TMEM181: variants seen among roughly 807,000 people sequenced by gnomAD.
The protein encoded by TMEM181 is transmembrane protein 181, also known as G protein-coupled receptor 178.
TMEM181 carries 39 observed loss-of-function variants against 71.9 expected under a neutral mutation model. That is an observed-to-expected ratio of 0.54 (90% CI 0.42 to 0.71). The LOEUF is 0.71. Among genes scored for constraint, TMEM181 ranks in the 30% least tolerant of loss-of-function variants. The probability of loss-of-function intolerance (pLI) is 0.00; values close to 1 mark genes in which losing one functional copy is unlikely to be tolerated. For missense variants in TMEM181, 595 were observed against 583.0 expected (o/e 1.02, Z -0.21); for synonymous variants, 245 against 228.8 (o/e 1.07, Z -0.64).
chr6:158,603,479 G>A (rs925939855), intron 6 of TMEM181, among the ~76,000 whole-genome samples: 10 of 152,158 alleles, frequency 6.6e-5, no homozygotes, highest in Non-Finnish European at 1.2e-4. Context: ...TGTATGGCCC[G>A]GTTGCTGACA....
chr6:158,618,112 T>C (rs1785721404), intron 10 of TMEM181, among the ~76,000 whole-genome samples: 1 of 152,206 alleles, frequency 6.6e-6, no homozygotes, highest in Non-Finnish European at 1.5e-5. Context: ...TGTGGAAGTC[T>C]AAGTCTCTTT....
intron 10 of TMEM181, among the ~76,000 whole-genome samples, chr6:158,612,484 A>G (rs1785389579): frequency 6.6e-6 from 1 of 152,210 alleles, no homozygotes; most frequent in African/African-American, 2.4e-5. Flanking sequence ...AATCTTTGAA[A>G]AAGGTTAATT....
intron 1 of TMEM181, among the ~76,000 whole-genome samples, chr6:158,540,516 C>G (rs954685158): frequency 6.6e-6 from 1 of 152,166 alleles, no homozygotes; most frequent in Non-Finnish European, 1.5e-5. Flanking sequence ...CGCGGTGGCT[C>G]GTGCCTGTAA....
chr6:158,553,601 G>C (rs1385102596), intron 1 of TMEM181, among the ~76,000 whole-genome samples: 1 of 152,108 alleles, frequency 6.6e-6, no homozygotes, highest in Non-Finnish European at 1.5e-5. Flanking sequence ...TAATCTTTGT[G>C]CTAAACCCTA....
upstream of TMEM181, among the ~76,000 whole-genome samples, chr6:158,559,504 A>G (rs1475753719): frequency 6.6e-6 from 1 of 152,178 alleles, no homozygotes; most frequent in African/African-American, 2.4e-5. Flanking sequence ...CTTGGTTCTC[A>G]TCCATTCTTG....
chr6:158,605,967 G>A (rs531499670), intron 7 of TMEM181, among the ~76,000 whole-genome samples: 5 of 152,318 alleles, frequency 3.3e-5, no homozygotes, highest in East Asian at 1.9e-4. Context: ...GAAGTGTGGC[G>A]TTCTGCCTGC....
intron 1 of TMEM181, among the ~76,000 whole-genome samples, chr6:158,545,667 T>C (rs958368052): frequency 7.2e-5 from 11 of 152,066 alleles, no homozygotes; most frequent in Non-Finnish European, 1.2e-4. Context: ...TTTTAGTTTT[T>C]TTTTTTTTGG....
intron 16 of TMEM181, 97 bp from the exon 17 acceptor site, chr6:158,631,713 T>C: frequency 7.4e-7 from 1 of 1,348,250 alleles, no homozygotes; most frequent in Admixed American, 2.0e-5. Flanking sequence ...AGAGCGAAGC[T>C]ATGATTTAAT....
chr6:158,585,206 T>G, intron 4 of TMEM181, 98 bp from the exon 5 acceptor site: 1 of 1,379,360 alleles, frequency 7.2e-7, no homozygotes, highest in Admixed American at 2.6e-5. Flanking sequence ...ACCTTAAGCG[T>G]TTTCCTGGCT....
At chr6:158,599,880 G>A (rs1365066246) in intron 6 of TMEM181, among the ~76,000 whole-genome samples, 1 of 152,248 alleles carries the variant, frequency 6.6e-6, no homozygotes, top group Admixed American at 6.5e-5. Flanking sequence ...GGAGGAGCAC[G>A]CAGGTGATTC....
upstream of TMEM181, among the ~76,000 whole-genome samples, chr6:158,556,101 C>CA (rs1781875085): frequency 6.6e-6 from 1 of 152,182 alleles, no homozygotes; most frequent in Non-Finnish European, 1.5e-5. Flanking sequence ...GTCTTTCTAC[C>CA]AACAAGGACT....
exon 1 of TMEM181, chr6:158,536,859 A>G (rs747700988): frequency 7.2e-7 from 1 of 1,397,784 alleles, no homozygotes; most frequent in South Asian, 1.7e-5. Flanking sequence ...GATGACCGCT[A>G]CTACAGGTGG....
In TMEM181 at chr6:158,546,496, T is replaced by C. The variant is rs79305466; in HGVS notation, c.131+9631T>C. On this transcript the variant is annotated intron_variant, in intron 1 of 16. Transcript: ENST00000367090. ...ATAGAACTGAACCCCAGGAAGGAGC[T>C]GGAGCTGAAACTGAACCCCAGGAAG... Among the ~76,000 whole-genome samples, 7 of 152,106 alleles carry C rather than the reference T, an allele frequency of 4.6e-5. No individual in the cohort carries two copies. In the East Asian group the frequency reaches 1.2e-3, roughly 25 times the overall value.
chr6:158,602,662 G>A (rs1173302930), intron 6 of TMEM181, among the ~76,000 whole-genome samples: 3 of 151,896 alleles, frequency 2.0e-5, no homozygotes, highest in Non-Finnish European at 4.4e-5. Flanking sequence ...CTAGGCTAGA[G>A]TGCAGTGAGA....
At chr6:158,609,963 C>A in intron 10 of TMEM181, 1 of 225,976 alleles carries the variant, frequency 4.4e-6, no homozygotes. Flanking sequence ...ATGAGGCCCA[C>A]CGACGTTGGG....
At chr6:158,582,712 C>T (rs1363468975) in intron 3 of TMEM181, among the ~76,000 whole-genome samples, 3 of 151,992 alleles carry the variant, frequency 2.0e-5, no homozygotes, top group African/African-American at 7.2e-5. Flanking sequence ...AAAGACGATG[C>T]ATTCAGATAA....
At chr6:158,629,146 G>C (rs1187264045) in intron 14 of TMEM181, among the ~76,000 whole-genome samples, 1 of 152,146 alleles carries the variant, frequency 6.6e-6, no homozygotes, top group Non-Finnish European at 1.5e-5. Context: ...TCCACTCTTT[G>C]TTGGGGACAC....
intron 5 of TMEM181, 66 bp from the exon 6 acceptor site, chr6:158,589,606 A>C: frequency 8.1e-7 from 1 of 1,234,274 alleles, no homozygotes. Context: ...GTGTTACTTC[A>C]TGGGTTATTT....
chr6:158,604,222 T>G (rs1784819414), intron 6 of TMEM181, among the ~76,000 whole-genome samples: 1 of 152,218 alleles, frequency 6.6e-6, no homozygotes. Flanking sequence ...TTCCCCTCCA[T>G]GATGTGGGGC....
Sources: gnomAD v4.1 joint callset for allele counts (sites outside exome capture counted in the v4.1 genomes callset) on GRCh38, gnomAD v4.1.1 for gene constraint, MANE v1.5 for transcripts, NCBI Gene and HGNC (gene_info 2026-07-23, HGNC 2026-07-21) for gene names.